Variants in PPP2R3A observed in about 807,000 individuals in gnomAD.
The protein encoded by PPP2R3A is protein phosphatase 2 regulatory subunit B''alpha.
A neutral mutation model predicts 106.9 loss-of-function variants in PPP2R3A; 80 were observed. The observed-to-expected ratio is 0.75, with a 90% CI of 0.62 to 0.90. The LOEUF is 0.90. PPP2R3A is among the 40% of genes least tolerant of loss of function. The pLI is 0.00. For synonymous variants in PPP2R3A, 483 were observed against 468.3 expected, an observed-to-expected ratio of 1.03 and a Z score of -0.41; for missense variants, 1,386 against 1,350.4, an observed-to-expected ratio of 1.03 and a Z score of -0.41.
chr3:136,049,652 C>G (rs1418754693), intron 5 of PPP2R3A, among the ~76,000 whole-genome samples: 2 of 152,274 alleles, frequency 1.3e-5, no homozygotes, highest in East Asian at 1.9e-4. Flanking sequence ...CTCCCCCTTG[C>G]CCACCCACAG....
intron 10 of PPP2R3A, among the ~76,000 whole-genome samples, chr3:136,092,957 A>G (rs567242097): frequency 2.6e-4 from 40 of 152,222 alleles, no homozygotes; most frequent in Admixed American, 4.6e-4. Context: ...AATTAAGTCA[A>G]ATGGATCACA....
chr3:136,093,076 T>G (rs181295619), intron 10 of PPP2R3A, among the ~76,000 whole-genome samples: 83 of 152,304 alleles, frequency 5.4e-4, no homozygotes, highest in Non-Finnish European at 1.1e-3. Flanking sequence ...AAAGCATAAG[T>G]ATCAAAAGAA....
At chr3:136,062,270 C>T (rs901285044) in intron 5 of PPP2R3A, among the ~76,000 whole-genome samples, 3 of 152,084 alleles carry the variant, frequency 2.0e-5, no homozygotes, top group African/African-American at 7.2e-5. Flanking sequence ...AGACCTAAGA[C>T]ACAGTGGATT....
chr3:136,145,055 T>C lies in PPP2R3A; in HGVS notation c.3342T>C (p.Tyr1114=), dbSNP rs1004087788. 1.2e-6 allele frequency: 2 copies of C among 1,612,118 alleles called. No homozygotes were observed. The highest frequency in any genetic ancestry group is 8.5e-7 in the Non-Finnish European group (1 of 1,179,264). ...TTTGTTATTTCAGCTTTGAAGATTATGAAACAGATGAACCTGCCTCTCCCT... is the reference window on the plus strand; with the variant it reads ...TTTGTTATTTCAGCTTTGAAGATTACGAAACAGATGAACCTGCCTCTCCCT... The part of the protein sequence containing the change: ...QAQFQEGFED[Y]ETDEPASPSE... The change falls in exon 14 of 14, where the codon TAT becomes TAC. Residue 1114 remains tyrosine, a synonymous_variant. Coordinates refer to ENST00000264977, the MANE Select transcript of PPP2R3A (RefSeq NM_002718.5).
At chr3:136,127,406 G>C (rs1427233710) in intron 13 of PPP2R3A, among the ~76,000 whole-genome samples, 2 of 152,056 alleles carry the variant, frequency 1.3e-5, no homozygotes, top group South Asian at 2.1e-4. Flanking sequence ...TGGAAGAAAG[G>C]GTATCAGTGA....
intron 6 of PPP2R3A, among the ~76,000 whole-genome samples, chr3:136,072,201 A>G (rs988074105): frequency 6.6e-6 from 1 of 152,156 alleles, no homozygotes; most frequent in African/African-American, 2.4e-5. Context: ...GCTCCATACA[A>G]GCAGGAACTT....
chr3:136,096,591 C>T (rs551607578), intron 10 of PPP2R3A, among the ~76,000 whole-genome samples: 5 of 152,388 alleles, frequency 3.3e-5, no homozygotes, highest in Non-Finnish European at 5.9e-5. Flanking sequence ...CTATTTCATT[C>T]ACCTTTGTTA....
intron 1 of PPP2R3A, among the ~76,000 whole-genome samples, chr3:135,998,363 C>T (rs1933488908): frequency 6.6e-6 from 1 of 152,236 alleles, no homozygotes. Flanking sequence ...TGAAGAAAGG[C>T]TTCACAAGTG....
chr3:135,995,550 C>T (rs1315201840), intron 1 of PPP2R3A, among the ~76,000 whole-genome samples: 2 of 148,218 alleles, frequency 1.3e-5, no homozygotes, highest in African/African-American at 2.5e-5. Context: ...AGACTCACTG[C>T]AGCCTCTGCC....
chr3:136,036,781 C>T (rs891928836), intron 3 of PPP2R3A, among the ~76,000 whole-genome samples: 3 of 152,188 alleles, frequency 2.0e-5, no homozygotes, highest in Admixed American at 6.6e-5. Context: ...TCCTGCCTCC[C>T]GTCCACCATG....
At chr3:136,087,520 A>C (rs978274057) in intron 8 of PPP2R3A, 1 of 167,254 alleles carries the variant, frequency 6.0e-6, no homozygotes, top group Admixed American at 6.3e-5. Flanking sequence ...TTGTTTTAGG[A>C]GCTTACACAA....
chr3:136,103,505 C>T (rs1342938670), intron 12 of PPP2R3A, 129 bp downstream of exon 12: 3 of 664,878 alleles, frequency 4.5e-6, no homozygotes, highest in Non-Finnish European at 7.5e-6. Flanking sequence ...TCATTAAAGA[C>T]TAAAAAGAGA....
chr3:135,996,525 G>A (rs1933405015), intron 1 of PPP2R3A, among the ~76,000 whole-genome samples: 1 of 152,212 alleles, frequency 6.6e-6, no homozygotes, highest in Non-Finnish European at 1.5e-5. Context: ...CAGAGTTAAA[G>A]CTTATTGCAC....
chr3:135,988,919 T>C (rs35257855), intron 1 of PPP2R3A, among the ~76,000 whole-genome samples: 40,534 of 152,052 alleles, frequency 0.27, 5,777 homozygotes, highest in Non-Finnish European at 0.32. Flanking sequence ...ATTGATTATC[T>C]CACCATTAGT....
chr3:136,145,192 G>T lies in PPP2R3A; in HGVS notation c.*26G>T. On this transcript the variant is annotated 3_prime_UTR_variant, in exon 14 of 14. Coordinates refer to ENST00000264977, the MANE Select transcript of PPP2R3A (RefSeq NM_002718.5). Reference sequence around the variant, plus strand: ...CTGCCGGTGTCTACAATGAAACGAAGATGTGTATTTTAAATGTTTCTTTCT... The same window carrying T: ...CTGCCGGTGTCTACAATGAAACGAATATGTGTATTTTAAATGTTTCTTTCT... The T allele has an allele frequency of 6.3e-7, 1 of 1,588,674 alleles. No individual in the cohort carries two copies.
At chr3:136,129,583 G>C (rs1434752138) in intron 13 of PPP2R3A, among the ~76,000 whole-genome samples, 1 of 152,102 alleles carries the variant, frequency 6.6e-6, no homozygotes, top group East Asian at 1.9e-4. Flanking sequence ...AATTCTACCA[G>C]AGGTACAAAG....
Position 136,049,355 on chromosome 3 carries a change from A to G in PPP2R3A, c.2463A>G (p.Leu821=). 3 of 1,599,196 alleles carry G rather than the reference A, an allele frequency of 1.9e-6. No individual in the cohort carries two copies. The highest frequency in any genetic ancestry group is 2.6e-6 in the Non-Finnish European group (3 of 1,173,736). Residue 821 remains leucine (L), a synonymous_variant, in exon 5 of 14, where the codon CTA becomes CTG. Transcript: ENST00000264977. ...TAGAACAGGAGGATTTCATCCCTCT[A>G]CTTCAGGTAATTTTCATCTCCTTTT... ...SSLEQEDFIP[L]LQDVVDTHPG...
At chr3:136,072,990 C>T (rs936631826) in intron 6 of PPP2R3A, among the ~76,000 whole-genome samples, 3 of 151,980 alleles carry the variant, frequency 2.0e-5, no homozygotes, top group Admixed American at 6.6e-5. Flanking sequence ...TTTTTTGAGA[C>T]GGAGTCTCAC....
At chr3:136,137,686 C>T (rs942624746) in intron 13 of PPP2R3A, among the ~76,000 whole-genome samples, 3 of 151,700 alleles carry the variant, frequency 2.0e-5, no homozygotes, top group Non-Finnish European at 4.4e-5. Flanking sequence ...GGACTACAGG[C>T]GCCTGCAAGC....
Sources: allele counts gnomAD v4.1 joint callset (sites outside exome capture counted in the v4.1 genomes callset), GRCh38; gene constraint gnomAD v4.1.1; transcripts MANE v1.5; gene names NCBI Gene and HGNC (gene_info 2026-07-23, HGNC 2026-07-21).